MUC6: variants seen among roughly 807,000 people sequenced by gnomAD.
MUC6 encodes the protein mucin-6.
A neutral mutation model predicts 201.5 loss-of-function variants in MUC6; 188 were observed. The observed-to-expected ratio is 0.93, with a 90% CI of 0.83 to 1.05. The LOEUF is 1.05. Among genes scored for constraint, MUC6 ranks in the 50% least tolerant of loss-of-function variants. The pLI is 0.00. For synonymous variants in MUC6, 1,228 were observed against 1,389.4 expected (o/e 0.88, Z 2.58); for missense variants, 2,706 against 3,256.9 (o/e 0.83, Z 4.12).
At position 1,018,575 on chromosome 11, in the gene MUC6, G is replaced by C. The variant is rs763407033; in HGVS notation, c.4226C>G (p.Pro1409Arg). ...AGGGACGGGACTCCCCGCCGTAGGC[G>C]GGGAGTGTGTGGTGTGTGGGGTTTG... ...TPQTPHTTHS[P>R]PTAGSPVPST... is the part of the protein sequence containing the mutation. Residue 1409 changes from proline (P) to arginine (R), a missense_variant, in exon 31 of 33, where the codon CCG (proline) becomes CGG (arginine). Pro to Arg is a moderately radical substitution (Grantham distance 103). Around this residue, in one of 10 missense-constraint regions of MUC6, gnomAD observed 1,850 missense variants for 1,958.3 expected, o/e 0.94. Coordinates refer to ENST00000421673, the MANE Select transcript of MUC6 (RefSeq NM_005961.3). 12 of 1,613,314 alleles carry C rather than the reference G, an allele frequency of 7.4e-6. No individual in the cohort carries two copies. In the East Asian group the frequency reaches 2.0e-4, roughly 27 times the overall value.
At chr11:1,035,900 A>G (rs1857204799) in intron 1 of MUC6, among the ~76,000 whole-genome samples, 1 of 152,122 alleles carries the variant, frequency 6.6e-6, no homozygotes, top group Non-Finnish European at 1.5e-5. Context: ...GGCTGCGGCC[A>G]CAGAGGGACC....
In MUC6 at chr11:1,030,674, G is replaced by A. The variant is rs1489166012; in HGVS notation, c.791C>T (p.Pro264Leu). ...GGCACAACTGCTGTTCTGTGGGCCT[G>A]GCTGGGGGGCTGCGGCCACGTCCGC... ...CQADVAAAPQPGPQNSSCATL... is the reference protein window; with the variant it reads ...CQADVAAAPQLGPQNSSCATL... The change falls in exon 7 of 33, where the codon CCA (proline) becomes CTA (leucine). Residue 264 changes from proline to leucine, a missense_variant. Pro to Leu is a moderately conservative substitution (Grantham distance 98). This residue lies in a region of MUC6 where 1,850 missense variants were observed against 1,958.3 expected (regional missense o/e 0.94). Transcript: ENST00000421673. The A allele has an allele frequency of 6.5e-7, 1 of 1,549,980 alleles. No individual in the cohort carries two copies. The highest frequency in any genetic ancestry group is 2.4e-5 in the East Asian group (1 of 41,192).
intron 19 of MUC6, 81 bp from the exon 20 acceptor site, chr11:1,026,559 C>G: frequency 1.4e-6 from 2 of 1,397,194 alleles, no homozygotes; most frequent in Non-Finnish European, 1.9e-6. Flanking sequence ...CTGAGACTGC[C>G]CGGCGTGTCT....
chr11:1,023,103 GATGA>G (rs1325911023), intron 26 of MUC6, among the ~76,000 whole-genome samples: 17 of 150,444 alleles, frequency 1.1e-4, no homozygotes, highest in Admixed American at 7.3e-4. Flanking sequence ...TGAATGAATG[GATGA>G]ATGGAGTGAA....
At position 1,023,380 on chromosome 11, in the gene MUC6, TAATGAATGTGTGAATTAATGAGCATG is replaced by T. The variant is rs1302644139; in HGVS notation, c.3526+103_3526+128del. On this transcript the variant is annotated intron_variant, in intron 26 of 32. Coordinates refer to ENST00000421673, the MANE Select transcript of MUC6 (RefSeq NM_005961.3). ...TGTGTGTGAATGAATGTGTGCAAAT[TAATGAATGTGTGAATTAATGAGCATG>T]AATGAATGTGTGAATGAATGAATGC... 5,809 of 1,226,572 alleles carry T rather than the reference TAATGAATGTGTGAATTAATGAGCATG, an allele frequency of 4.7e-3. 218 individuals carry two copies. The African/African-American group carries it at 0.077, about 16-fold the overall frequency. 76.0% of individuals were successfully genotyped at this position (1,226,572 alleles called of 1,614,324 possible).
Position 1,025,255 on chromosome 11 carries a change from G to A in MUC6, c.2912C>T (p.Pro971Leu). ...ALSLVVDISI[P>L]GRYNLTLIWN... is the part of the protein sequence containing the mutation. ...GATGAGCGTCAGGTTGTACCTCCCG[G>A]GGATGCTGATGTCCACGACAAGGCT... The change falls in exon 23 of 33, where the codon CCC becomes CTC. Residue 971 changes from proline (P) to leucine (L), a missense_variant. Pro to Leu is a moderately conservative substitution (Grantham distance 98). Around this residue, in one of 10 missense-constraint regions of MUC6, gnomAD observed 1,850 missense variants for 1,958.3 expected, o/e 0.94. Coordinates refer to ENST00000421673, the MANE Select transcript of MUC6 (RefSeq NM_005961.3). The A allele has an allele frequency of 6.2e-7, 1 of 1,612,814 alleles. No individual in the cohort carries two copies. The highest frequency in any genetic ancestry group is 1.1e-5 in the South Asian group (1 of 91,088).
chr11:1,013,868 CGTG>C, intron 32 of MUC6, 28 bp downstream of exon 32: 1 of 1,575,772 alleles, frequency 6.3e-7, no homozygotes, highest in African/African-American at 1.3e-5. Flanking sequence ...CCTTGGTGGA[CGTG>C]GGGCAGGCCT....
Position 1,036,680 on chromosome 11 carries a change from G to A in MUC6, c.-25C>T. The A allele has an allele frequency of 3.9e-6, 6 of 1,543,430 alleles. No homozygotes were observed. The highest frequency in any genetic ancestry group is 4.4e-6 in the Non-Finnish European group (5 of 1,145,744). ...TGGTGCACAGTGGAGAGGAGCTCGC[G>A]CTGGGCCCGGCAGGCCTGCTGCTGC... On this transcript the variant is annotated 5_prime_UTR_variant, in exon 1 of 33. Coordinates refer to ENST00000421673, the MANE Select transcript of MUC6 (RefSeq NM_005961.3).
intron 28 of MUC6, 40 bp from the exon 29 acceptor site, chr11:1,020,297 G>T (rs1394012804): frequency 7.0e-6 from 11 of 1,567,970 alleles, no homozygotes; most frequent in Non-Finnish European, 9.5e-6. Context: ...CAGGGTACCG[G>T]CATATCCTTG....
chr11:1,029,018 G>C (rs758500877), intron 11 of MUC6, 28 bp downstream of exon 11: 17 of 1,612,762 alleles, frequency 1.1e-5, no homozygotes, highest in Middle Eastern at 1.6e-4. Context: ...AGCCCTGCTG[G>C]CAGGGATGGG....
In MUC6 at chr11:1,018,594, G is replaced by C; in HGVS notation, c.4207C>G (p.Pro1403Ala). 6.2e-7 allele frequency: 1 copy of C among 1,613,616 alleles called. No individual in the cohort carries two copies. The highest frequency in any genetic ancestry group is 8.5e-7 in the Non-Finnish European group (1 of 1,179,742). ...TTTEYTTPQT[P>A]HTTHSPPTAG... is the part of the protein sequence containing the mutation. ...GTAGGCGGGGAGTGTGTGGTGTGTGGGGTTTGGGGCGTTGTGTATTCAGTA... is the reference window on the plus strand; with the variant it reads ...GTAGGCGGGGAGTGTGTGGTGTGTGCGGTTTGGGGCGTTGTGTATTCAGTA... The change falls in exon 31 of 33, where the codon CCA becomes GCA. Residue 1403 changes from proline to alanine, a missense_variant. Coordinates refer to ENST00000421673, the MANE Select transcript of MUC6 (RefSeq NM_005961.3).
rs867244098 is a variant in MUC6, at chr11:1,032,817, C to T, written c.115+196G>A. 6.5e-5 allele frequency among the ~76,000 whole-genome samples: 9 copies of T among 137,832 alleles called. No individual in the cohort carries two copies. The East Asian group carries it at 1.1e-3, about 17-fold the overall frequency. 90.4% of individuals were successfully genotyped at this position (137,832 alleles called of 152,430 possible). On this transcript the variant is annotated intron_variant, in intron 2 of 32. Coordinates refer to ENST00000421673, the MANE Select transcript of MUC6 (RefSeq NM_005961.3). ...TGCATGTGTCATGTACATGTGTATG[C>T]GTGTGTCAGGTGTGTGTGCATGTGT...
chr11:1,030,855 C>T (rs540950743), intron 6 of MUC6, 75 bp from the exon 7 acceptor site: 26 of 1,527,500 alleles, frequency 1.7e-5, no homozygotes, highest in South Asian at 4.8e-5. Flanking sequence ...TCGGGCAGGG[C>T]GTCTGTGATG....
In MUC6 at chr11:1,031,816, A is replaced by G; in HGVS notation, c.353T>C (p.Ile118Thr). ...GGCCCCGGCCCACCTGACCTACCCG[A>G]TGTCCTTGACTGAGATGATGGCTTC... Reference protein sequence around the residue: ...VSEAIISVKDIGVISLPYTSN... With the variant: ...VSEAIISVKDTGVISLPYTSN... The change falls in exon 3 of 33, where the codon ATC becomes ACC. Residue 118 changes from isoleucine (I) to threonine (T), a missense_variant. Transcript: ENST00000421673. The G allele has an allele frequency of 6.2e-7, 1 of 1,603,920 alleles. No homozygotes were observed. The highest frequency in any genetic ancestry group is 1.1e-5 in the South Asian group (1 of 89,582).
At chr11:1,036,318 C>G (rs936829647) in intron 1 of MUC6, among the ~76,000 whole-genome samples, 1 of 152,196 alleles carries the variant, frequency 6.6e-6, no homozygotes, top group Non-Finnish European at 1.5e-5. Flanking sequence ...GGACCCCACT[C>G]CAGCTGAGCG....
rs781490960 is a variant in MUC6 at position 1,018,357 on chromosome 11, C to T, written c.4444G>A (p.Gly1482Ser). 6.2e-7 allele frequency: 1 copy of T among 1,613,746 alleles called. No homozygotes were observed. The highest frequency in any genetic ancestry group is 8.5e-7 in the Non-Finnish European group (1 of 1,179,748). ...AGCGTTGTTGGTGGAGGAATGGTACCTGTTGGCGCTGAGTGGTTGGAGGCA... is the reference window on the plus strand; with the variant it reads ...AGCGTTGTTGGTGGAGGAATGGTACTTGTTGGCGCTGAGTGGTTGGAGGCA... The part of the protein sequence containing the change: ...TSASNHSAPT[G>S]TIPPPTTLKA... The change falls in exon 31 of 33, where the codon GGT (glycine) becomes AGT (serine). Residue 1482 changes from glycine to serine, a missense_variant. This residue lies in a region of MUC6 where 128 missense variants were observed against 206.5 expected (regional missense o/e 0.62). Transcript: ENST00000421673.
In MUC6 at chr11:1,015,852, G is replaced by A. The variant is rs745912033; in HGVS notation, c.6949C>T (p.Arg2317Trp). 2.8e-5 allele frequency: 45 copies of A among 1,604,796 alleles called. No homozygotes were observed. The highest frequency in any genetic ancestry group is 2.4e-4 in the South Asian group (21 of 89,180). ...HPGPTLSPTTRFLTSSLTAHG... is the reference protein window; with the variant it reads ...HPGPTLSPTTWFLTSSLTAHG... ...GCAGTGAGGGAGCTGGTCAGGAACCGTGTGGTAGGCGACAAGGTGGGACCA... is the reference window on the plus strand; with the variant it reads ...GCAGTGAGGGAGCTGGTCAGGAACCATGTGGTAGGCGACAAGGTGGGACCA... The change falls in exon 31 of 33, where the codon CGG (arginine) becomes TGG (tryptophan). Residue 2317 changes from arginine to tryptophan, a missense_variant. Physicochemically the swap from Arg to Trp is moderately radical, Grantham distance 101 (BLOSUM62 -3). Around this residue, in one of 10 missense-constraint regions of MUC6, gnomAD observed 586 missense variants for 488.0 expected, o/e 1.20. Coordinates refer to ENST00000421673, the MANE Select transcript of MUC6 (RefSeq NM_005961.3).
chr11:1,024,604 G>A (rs1856906331), intron 24 of MUC6, among the ~76,000 whole-genome samples: 1 of 152,206 alleles, frequency 6.6e-6, no homozygotes, highest in African/African-American at 2.4e-5. Flanking sequence ...GCACTGTCTG[G>A]GGGTGCTATT....
rs375322689 is a variant in MUC6 at position 1,027,212 on chromosome 11, G to T, written c.2232-19C>A. ...GCAGTGGCTGCAAGAGAGAGGCTGC[G>T]TGAGACCCCGGGACCTGGCAGGGAC... On this transcript the variant is annotated intron_variant, in intron 17 of 32. Coordinates refer to ENST00000421673, the MANE Select transcript of MUC6 (RefSeq NM_005961.3). The T allele has an allele frequency of 5.9e-5, 95 of 1,612,106 alleles. No homozygotes were observed. Among genetic ancestry groups the T allele is most frequent in the Non-Finnish European group, 1.5e-5 (18 of 1,179,684 alleles).
Sources: gnomAD v4.1 joint callset for allele counts (sites outside exome capture counted in the v4.1 genomes callset) on GRCh38, gnomAD v4.1.1 for gene constraint, gnomAD v4.1.1 regional missense constraint, MANE v1.5 for transcripts, NCBI Gene and HGNC (gene_info 2026-07-23, HGNC 2026-07-21) for gene names.